The following SATB2 variants were observed in gnomAD, a reference collection of about 807,000 sequenced individuals.
SATB2 encodes the protein DNA-binding protein SATB2.
SATB2 carries 1 observed loss-of-function variant against 73.4 expected under a neutral mutation model. The observed-to-expected ratio is 0.01, with a 90% CI of 0.00 to 0.06. The LOEUF (loss-of-function observed/expected upper bound fraction) is 0.06. Among genes scored for constraint, SATB2 ranks in the 10% least tolerant of loss-of-function variants. SATB2 has a pLI of 1.00. For synonymous variants in SATB2, 397 were observed against 367.0 expected (o/e 1.08, Z -0.93); for missense variants, 459 against 945.8 (o/e 0.49, Z 6.75).
chr2:199,442,477 A>C (rs1417471116), intron 2 of SATB2, among the ~76,000 whole-genome samples: 1 of 152,224 alleles, frequency 6.6e-6, no homozygotes. Flanking sequence ...CGGCAGTCCT[A>C]CCCATGTCCT....
At chr2:199,277,123 G>GA in intron 10 of SATB2, among the ~76,000 whole-genome samples, 1 of 152,196 alleles carries the variant, frequency 6.6e-6, no homozygotes, top group Non-Finnish European at 1.5e-5. Context: ...TAAAAGAGTA[G>GA]AAAAAAATAG....
At chr2:199,412,180 C>A (rs944429928) in intron 3 of SATB2, among the ~76,000 whole-genome samples, 1 of 152,050 alleles carries the variant, frequency 6.6e-6, no homozygotes, top group African/African-American at 2.4e-5. Flanking sequence ...CAAATGAGAG[C>A]TAGATTGTAA....
chr2:199,282,042 C>T (rs902751423), intron 10 of SATB2, among the ~76,000 whole-genome samples: 2 of 152,020 alleles, frequency 1.3e-5, no homozygotes, highest in Non-Finnish European at 2.9e-5. Flanking sequence ...CCGCCACACC[C>T]AGCTAATTTT....
At chr2:199,431,294 T>C (rs1023387933) in intron 3 of SATB2, among the ~76,000 whole-genome samples, 27 of 152,338 alleles carry the variant, frequency 1.8e-4, no homozygotes, top group Middle Eastern at 6.8e-3. Flanking sequence ...TTTAATGATC[T>C]GAATGAAGAC....
At chr2:199,439,593 CAG>C (rs765036660) in intron 2 of SATB2, among the ~76,000 whole-genome samples, 10 of 152,156 alleles carry the variant, frequency 6.6e-5, no homozygotes, top group Non-Finnish European at 1.3e-4. Flanking sequence ...TTCAAGAGGA[CAG>C]AGAGAAAAAG....
At chr2:199,310,290 CAGACCT>C (rs1687561143) in intron 9 of SATB2, among the ~76,000 whole-genome samples, 1 of 152,172 alleles carries the variant, frequency 6.6e-6, no homozygotes. Flanking sequence ...CACATTTGCG[CAGACCT>C]GATCTTTTCT....
chr2:199,320,415 A>G (rs1353687006), intron 9 of SATB2, among the ~76,000 whole-genome samples: 2 of 152,168 alleles, frequency 1.3e-5, no homozygotes, highest in Non-Finnish European at 2.9e-5. Flanking sequence ...AAATGTGTAT[A>G]AACATGTCTT....
At chr2:199,298,059 T>C (rs1270408867) in intron 10 of SATB2, among the ~76,000 whole-genome samples, 1 of 152,178 alleles carries the variant, frequency 6.6e-6, no homozygotes, top group African/African-American at 2.4e-5. Flanking sequence ...TTGCTGAATA[T>C]AAAATTCTAT....
chr2:199,418,994 C>T (rs903775996), intron 3 of SATB2, among the ~76,000 whole-genome samples: 5 of 152,196 alleles, frequency 3.3e-5, no homozygotes, highest in African/African-American at 4.8e-5. Context: ...AAAACCAACA[C>T]GATACAGTGC....
chr2:199,332,908 G>C (rs1688229807), intron 7 of SATB2, among the ~76,000 whole-genome samples: 1 of 152,094 alleles, frequency 6.6e-6, no homozygotes, highest in Admixed American at 6.6e-5. Flanking sequence ...AACCCTGGAA[G>C]AGAGCAATAA....
upstream of SATB2, among the ~76,000 whole-genome samples, chr2:199,465,363 C>T (rs1692573479): frequency 6.6e-6 from 1 of 152,174 alleles, no homozygotes; most frequent in Admixed American, 6.5e-5. Context: ...TAAAGACTGT[C>T]CCGTTGGATA....
chr2:199,272,292 G>C lies in SATB2; in HGVS notation c.2121C>G (p.Ser707=), dbSNP rs141424911. 6.2e-7 allele frequency: 1 copy of C among 1,614,076 alleles called. No homozygotes were observed. Among genetic ancestry groups the C allele is most frequent in the South Asian group, 1.1e-5 (1 of 91,080 alleles). The part of the protein sequence containing the change: ...ESEENDSEEG[S]EEMYKVEAEE... The stretch of plus-strand genomic sequence containing the variant: ...CAGCCTCCACTTTGTACATCTCCTC[G>C]GAGCCTTCCTCGCTGTCGTTCTCCT... Residue 707 remains serine (S), a synonymous_variant, in exon 11 of 11, where the codon TCC becomes TCG. Coordinates refer to ENST00000417098, the MANE Select transcript of SATB2 (RefSeq NM_001172509.2). This position sits in a 1 kb window ranked among gnomAD's most constrained non-coding sequence, Gnocchi z 6.7.
chr2:199,462,978 TAGG>T lies in SATB2; in HGVS notation c.-141+1855_-141+1857del, dbSNP rs1692513579. Reference sequence around the variant, plus strand: ...GCTTTCTGCACTGGGCTTCCCGGGGTAGGAGATGGGCGTCGGGTGTGGGCACTG... The same window carrying T: ...GCTTTCTGCACTGGGCTTCCCGGGGTAGATGGGCGTCGGGTGTGGGCACTG... On this transcript the variant is annotated intron_variant, in intron 1 of 11. Coordinates refer to the SATB2 transcript ENST00000260926. The surrounding 1 kb of genome is among the most constrained non-coding windows in gnomAD (Gnocchi z 5.9). Among the ~76,000 whole-genome samples the T allele has an allele frequency of 6.6e-6, 1 of 151,734 alleles. No individual in the cohort carries two copies. Among genetic ancestry groups the T allele is most frequent in the Non-Finnish European group, 1.5e-5 (1 of 67,912 alleles).
chr2:199,284,616 A>C (rs1692630303), intron 10 of SATB2, among the ~76,000 whole-genome samples: 1 of 152,170 alleles, frequency 6.6e-6, no homozygotes, highest in South Asian at 2.1e-4. Flanking sequence ...TCAGACTTTA[A>C]AATATTTGCA....
At chr2:199,351,714 T>C (rs1688825212) in intron 6 of SATB2, among the ~76,000 whole-genome samples, 1 of 152,182 alleles carries the variant, frequency 6.6e-6, no homozygotes, top group Non-Finnish European at 1.5e-5. Flanking sequence ...CACAGTAAAA[T>C]CTTATTTTAT....
At chr2:199,432,710 T>C (rs1368163932) in intron 3 of SATB2, among the ~76,000 whole-genome samples, 1 of 152,118 alleles carries the variant, frequency 6.6e-6, no homozygotes, top group African/African-American at 2.4e-5. Flanking sequence ...GACAGAACAA[T>C]GGGCTATACT....
intron 6 of SATB2, among the ~76,000 whole-genome samples, chr2:199,359,802 T>C (rs1689085963): frequency 6.6e-6 from 1 of 152,100 alleles, no homozygotes; most frequent in Non-Finnish European, 1.5e-5. Context: ...TACATAAAAC[T>C]TAGAAAGGTG....
intron 6 of SATB2, among the ~76,000 whole-genome samples, chr2:199,357,873 T>C (rs1203073199): frequency 1.3e-5 from 2 of 152,196 alleles, no homozygotes; most frequent in Non-Finnish European, 2.9e-5. Flanking sequence ...ATTCTATAAA[T>C]AGAAATTATT....
chr2:199,432,277 A>T (rs1193427608), intron 3 of SATB2, among the ~76,000 whole-genome samples: 1 of 152,236 alleles, frequency 6.6e-6, no homozygotes, highest in African/African-American at 2.4e-5. Flanking sequence ...TTTCCTAAAA[A>T]GCAATCATCT....
Sources: allele counts gnomAD v4.1 joint callset (sites outside exome capture counted in the v4.1 genomes callset), GRCh38; gene constraint gnomAD v4.1.1; non-coding constraint Gnocchi (gnomAD v3.1); transcripts MANE v1.5; gene names NCBI Gene and HGNC (gene_info 2026-07-23, HGNC 2026-07-21).